Variants in STN1 observed in about 807,000 individuals in gnomAD.
STN1 encodes the protein CST complex subunit STN1.
STN1 carries 29 observed loss-of-function variants against 45.5 expected under a neutral mutation model. That is an observed-to-expected ratio of 0.64 (90% CI 0.47 to 0.87). The LOEUF is 0.87. STN1 is among the 40% of genes least tolerant of loss of function. The probability of loss-of-function intolerance (pLI) is 0.00; values close to 1 mark genes in which losing one functional copy is unlikely to be tolerated. For missense variants in STN1, 376 were observed against 441.4 expected (o/e 0.85, Z 1.33); for synonymous variants, 148 against 159.0 (o/e 0.93, Z 0.52).
chr10:103,893,846 T>C (rs1410858402), intron 7 of STN1, among the ~76,000 whole-genome samples: 4 of 152,214 alleles, frequency 2.6e-5, no homozygotes, highest in Admixed American at 2.0e-4. Flanking sequence ...CTAATTGAAT[T>C]ATCAGTCTAA....
Position 103,900,076 on chromosome 10 carries a change from T to A in STN1, c.443A>T (p.His148Leu), listed in dbSNP as rs1355921166. Reference protein sequence around the residue: ...IRTYREEREIHATTYYKVDDP... With the variant: ...IRTYREEREILATTYYKVDDP... ...CTTGTGCTTACAGTAAGTGGTGGCA[T>A]GAATCTCTCGCTCTTCTCTGTATGT... is the stretch of plus-strand genomic sequence containing the variant. The change falls in exon 5 of 10, where the codon CAT becomes CTT. Residue 148 changes from histidine to leucine, a missense_variant. Transcript: ENST00000224950. 2 of 1,614,020 alleles carry A rather than the reference T, an allele frequency of 1.2e-6. No homozygotes were observed. The highest frequency in any genetic ancestry group is 1.7e-5 in the Admixed American group (1 of 59,986).
chr10:103,913,037 G>A (rs1485382114), intron 2 of STN1, among the ~76,000 whole-genome samples: 1 of 152,250 alleles, frequency 6.6e-6, no homozygotes, highest in Non-Finnish European at 1.5e-5. Context: ...ATGTCTGAAA[G>A]TCCCAGGATT....
chr10:103,892,472 T>C (rs1420024603), intron 7 of STN1, among the ~76,000 whole-genome samples: 3 of 151,878 alleles, frequency 2.0e-5, no homozygotes, highest in Non-Finnish European at 4.4e-5. Flanking sequence ...CCTACCTTAG[T>C]TGTGATTTTT....
intron 3 of STN1, among the ~76,000 whole-genome samples, chr10:103,909,547 T>C (rs1207458683): frequency 1.4e-5 from 1 of 71,708 alleles, no homozygotes; most frequent in Non-Finnish European, 3.6e-5. Context: ...TATGTACATA[T>C]ATATATGCTG....
At chr10:103,894,903 A>C (rs1482560470) in intron 7 of STN1, among the ~76,000 whole-genome samples, 1 of 152,180 alleles carries the variant, frequency 6.6e-6, no homozygotes, top group African/African-American at 2.4e-5. Flanking sequence ...ATTTGCTAAG[A>C]AGGACCACTA....
At chr10:103,891,957 T>C (rs1215579274) in intron 8 of STN1, among the ~76,000 whole-genome samples, 173 bp downstream of exon 8, 1 of 152,206 alleles carries the variant, frequency 6.6e-6, no homozygotes, top group African/African-American at 2.4e-5. Context: ...GGTTCATGGG[T>C]CAACTGTATT....
At chr10:103,913,648 T>C (rs543909850) in intron 2 of STN1, among the ~76,000 whole-genome samples, 2 of 152,248 alleles carry the variant, frequency 1.3e-5, no homozygotes, top group Non-Finnish European at 2.9e-5. Context: ...AAAAGATGGC[T>C]GAAGACATGG....
chr10:103,909,424 GTATA>G (rs1198988740), intron 3 of STN1, among the ~76,000 whole-genome samples: 3 of 48,400 alleles, frequency 6.2e-5, no homozygotes, highest in South Asian at 1.2e-3. Context: ...ATGTATATAT[GTATA>G]TATATGTATA....
intron 9 of STN1, among the ~76,000 whole-genome samples, chr10:103,884,434 C>G (rs944197076): frequency 6.6e-6 from 1 of 152,096 alleles, no homozygotes; most frequent in African/African-American, 2.4e-5. Context: ...TCATATACAT[C>G]TTATGCATTA....
intron 8 of STN1, 37 bp from the exon 9 acceptor site, chr10:103,889,181 T>C (rs1249341222): frequency 3.0e-6 from 4 of 1,327,204 alleles, no homozygotes; most frequent in Non-Finnish European, 4.4e-6. Context: ...AGAGTGTTCT[T>C]AGGTAACACA....
chr10:103,883,791 T>C (rs1290204178), intron 9 of STN1, among the ~76,000 whole-genome samples: 3 of 152,090 alleles, frequency 2.0e-5, no homozygotes, highest in African/African-American at 7.2e-5. Flanking sequence ...TTTTTGGCTT[T>C]TAAAAATCCA....
intron 2 of STN1, among the ~76,000 whole-genome samples, chr10:103,911,242 C>A (rs1843288876): frequency 6.6e-6 from 1 of 152,112 alleles, no homozygotes. Context: ...GAGGGGGAAC[C>A]TACCCACTGA....
At chr10:103,910,789 T>C (rs986629541) in intron 2 of STN1, among the ~76,000 whole-genome samples, 167 bp from the exon 3 acceptor site, 1 of 152,138 alleles carries the variant, frequency 6.6e-6, no homozygotes, top group African/African-American at 2.4e-5. Flanking sequence ...CCCCAAGAAA[T>C]TCCAATGTCT....
intron 3 of STN1, among the ~76,000 whole-genome samples, chr10:103,908,750 T>C (rs1047217693): frequency 6.6e-6 from 1 of 152,170 alleles, no homozygotes; most frequent in Non-Finnish European, 1.5e-5. Flanking sequence ...CTTTTTATAA[T>C]GGGAAAAGAG....
At chr10:103,907,492 G>A (rs1309054171) in intron 3 of STN1, among the ~76,000 whole-genome samples, 2 of 152,172 alleles carry the variant, frequency 1.3e-5, no homozygotes, top group African/African-American at 2.4e-5. Context: ...TTGACTGTAA[G>A]CCTAATTTCA....
chr10:103,896,910 G>A (rs1843174731), intron 7 of STN1, among the ~76,000 whole-genome samples: 1 of 152,128 alleles, frequency 6.6e-6, no homozygotes, highest in Non-Finnish European at 1.5e-5. Context: ...CATAGTAGTA[G>A]GTTGTTAGTA....
intron 2 of STN1, among the ~76,000 whole-genome samples, chr10:103,914,363 TATATA>T (rs1179701233): frequency 0.02 from 349 of 17,252 alleles, 22 homozygotes; most frequent in African/African-American, 0.039. Context: ...TATATATATA[TATATA>T]TATATATTTT....
chr10:103,913,955 A>G (rs929236329), intron 2 of STN1, among the ~76,000 whole-genome samples: 1 of 152,150 alleles, frequency 6.6e-6, no homozygotes, highest in African/African-American at 2.4e-5. Context: ...CTAGGGTCAC[A>G]GGCAGGTTGA....
chr10:103,917,703 A>C (rs968042717), intron 1 of STN1, 47 bp from the exon 2 acceptor site: 3 of 1,301,466 alleles, frequency 2.3e-6, no homozygotes, highest in Non-Finnish European at 3.2e-6. Context: ...AACGTGGGTC[A>C]AAGTGGCACG....
Sources: gnomAD v4.1 joint callset for allele counts (sites outside exome capture counted in the v4.1 genomes callset) on GRCh38, gnomAD v4.1.1 for gene constraint, MANE v1.5 for transcripts, NCBI Gene and HGNC (gene_info 2026-07-23, HGNC 2026-07-21) for gene names.